Variants in MRAP2 observed in about 807,000 individuals in gnomAD.
The protein encoded by MRAP2 is melanocortin 2 receptor accessory protein 2.
In MRAP2, 20 loss-of-function variants were observed where a neutral mutation model predicts 17.4. The ratio of observed to expected loss-of-function variants is 1.15; its 90% confidence interval spans 0.81 to 1.67. The LOEUF (loss-of-function observed/expected upper bound fraction) is 1.67, where lower values mean the gene tolerates loss of function less well. Among genes scored for constraint, MRAP2 ranks in the 40% most tolerant of loss-of-function variants. The pLI is 0.00. For missense variants in MRAP2, 238 were observed against 240.0 expected, an observed-to-expected ratio of 0.99 and a Z score of 0.05; for synonymous variants, 96 against 88.4, an observed-to-expected ratio of 1.09 and a Z score of -0.48.
chr6:84,085,694 C>G (rs1175629358), intron 3 of MRAP2, among the ~76,000 whole-genome samples: 5 of 152,146 alleles, frequency 3.3e-5, no homozygotes, highest in East Asian at 3.9e-4. Context: ...AAATATTAAA[C>G]TAGGCATGCA....
At position 84,057,995 on chromosome 6, in the gene MRAP2, G is replaced by A. The variant is rs542178928; in HGVS notation, c.127+2550G>A. 3.9e-5 allele frequency among the ~76,000 whole-genome samples: 6 copies of A among 152,292 alleles called. No homozygotes were observed. The East Asian group carries it at 1.2e-3, about 29-fold the overall frequency. ...AACTGGATCATGCAAGGAGGCCAGC[G>A]TGGTACCAGGGGAGTGATAAGAGGC... is the stretch of plus-strand genomic sequence containing the variant. On this transcript the variant is annotated intron_variant, in intron 2 of 3. Coordinates refer to ENST00000257776, the MANE Select transcript of MRAP2 (RefSeq NM_138409.4).
At chr6:84,104,148 C>T in the MRAP2 span, among the ~76,000 whole-genome samples, 6 of 152,180 alleles carry the variant, frequency 3.9e-5, no homozygotes. Flanking sequence ...TGTGCCAAGG[C>T]TTGGGGCTTG....
chr6:84,129,554 T>TTTAAG, the MRAP2 span, among the ~76,000 whole-genome samples: 3 of 152,172 alleles, frequency 2.0e-5, no homozygotes, highest in East Asian at 1.9e-4. Context: ...TGTAAATTTG[T>TTTAAG]TTAAGTTCTT....
the MRAP2 span, among the ~76,000 whole-genome samples, chr6:84,112,420 GT>G: frequency 7.2e-5 from 11 of 152,120 alleles, no homozygotes; most frequent in Admixed American, 6.5e-4. Context: ...TTTGATGGTA[GT>G]TTGTATTTCT....
chr6:84,129,635 C>T, the MRAP2 span, among the ~76,000 whole-genome samples: 30 of 152,092 alleles, frequency 2.0e-4, 1 homozygote, highest in African/African-American at 7.0e-4. Flanking sequence ...CTGTAGGGTG[C>T]CTGTTCACTC....
intron 3 of MRAP2, 98 bp from the exon 4 acceptor site, chr6:84,088,993 G>A: frequency 1.5e-6 from 2 of 1,362,484 alleles, no homozygotes; most frequent in Non-Finnish European, 2.0e-6. Flanking sequence ...TAGGTGCTTA[G>A]TGGAAATGTG....
the MRAP2 span, among the ~76,000 whole-genome samples, chr6:84,104,584 A>C: frequency 2.0e-5 from 3 of 152,140 alleles, no homozygotes; most frequent in African/African-American, 7.2e-5. Flanking sequence ...AATTTCTTCC[A>C]TCGGCTGGGC....
the MRAP2 span, among the ~76,000 whole-genome samples, chr6:84,128,418 T>C: frequency 1.3e-5 from 2 of 152,088 alleles, no homozygotes; most frequent in African/African-American, 2.4e-5. Context: ...TTAAAAAAAC[T>C]GGAAACAACC....
chr6:84,119,812 T>C, the MRAP2 span, among the ~76,000 whole-genome samples: 1 of 152,180 alleles, frequency 6.6e-6, no homozygotes, highest in South Asian at 2.1e-4. Context: ...TAAGACTCCT[T>C]AGCACTTGAA....
chr6:84,064,648 C>T (rs1460269862), intron 3 of MRAP2, among the ~76,000 whole-genome samples: 2 of 152,152 alleles, frequency 1.3e-5, no homozygotes, highest in East Asian at 1.9e-4. Flanking sequence ...CCACCACGCC[C>T]AGCTACTTTT....
At chr6:84,038,949 G>T (rs968611382) in intron 1 of MRAP2, among the ~76,000 whole-genome samples, 2 of 152,226 alleles carry the variant, frequency 1.3e-5, no homozygotes, top group African/African-American at 4.8e-5. Flanking sequence ...CCCACAAGTT[G>T]TGCTAGCTCA....
At chr6:84,137,224 C>G in the MRAP2 span, among the ~76,000 whole-genome samples, 1 of 152,204 alleles carries the variant, frequency 6.6e-6, no homozygotes, top group Non-Finnish European at 1.5e-5. Flanking sequence ...TGCTGCCTTG[C>G]TAGCCTGCTG....
chr6:84,112,774 G>A, the MRAP2 span, among the ~76,000 whole-genome samples: 1 of 152,176 alleles, frequency 6.6e-6, no homozygotes, highest in Non-Finnish European at 1.5e-5. Context: ...TGCTTTAAAT[G>A]TGTCCCAGAG....
chr6:84,075,115 C>A (rs1315631242), intron 3 of MRAP2, among the ~76,000 whole-genome samples: 1 of 152,164 alleles, frequency 6.6e-6, no homozygotes, highest in Non-Finnish European at 1.5e-5. Flanking sequence ...CTGCCCTTTC[C>A]CCACCACGCG....
At chr6:84,103,460 A>G in the MRAP2 span, among the ~76,000 whole-genome samples, 5 of 152,170 alleles carry the variant, frequency 3.3e-5, no homozygotes, top group Non-Finnish European at 7.3e-5. Context: ...TCATTCACTC[A>G]TTCCTGATAA....
intron 1 of MRAP2, among the ~76,000 whole-genome samples, chr6:84,038,235 C>A (rs1251610295): frequency 6.6e-6 from 1 of 152,170 alleles, no homozygotes. Flanking sequence ...ACTAACACAC[C>A]CATGTGAGGT....
chr6:84,037,079 A>C (rs1053684246), intron 1 of MRAP2, among the ~76,000 whole-genome samples: 1 of 152,110 alleles, frequency 6.6e-6, no homozygotes, highest in Non-Finnish European at 1.5e-5. Context: ...ACAATCCTCC[A>C]GCTAGACATA....
intron 3 of MRAP2, among the ~76,000 whole-genome samples, chr6:84,081,675 C>T (rs1487632696): frequency 2.0e-5 from 3 of 152,028 alleles, no homozygotes; most frequent in Admixed American, 6.6e-5. Context: ...AAAAATTAGC[C>T]GAGGGTGGTG....
chr6:84,063,142 G>A (rs2099493621), intron 3 of MRAP2, 150 bp downstream of exon 3: 3 of 1,449,338 alleles, frequency 2.1e-6, no homozygotes, highest in East Asian at 2.5e-5. Context: ...CCGTGGATGG[G>A]ATCCAGCTAT....
Sources: gnomAD v4.1 joint callset for allele counts (sites outside exome capture counted in the v4.1 genomes callset) on GRCh38, gnomAD v4.1.1 for gene constraint, MANE v1.5 for transcripts, NCBI Gene and HGNC (gene_info 2026-07-23, HGNC 2026-07-21) for gene names.